The following BICD2 variants were observed in gnomAD, a reference collection of about 807,000 sequenced individuals.
The protein encoded by BICD2 is BICD cargo adaptor 2, also known as protein bicaudal D homolog 2.
In BICD2, 25 loss-of-function variants were observed where a neutral mutation model predicts 72.9. That is an observed-to-expected ratio of 0.34 (90% confidence interval 0.25 to 0.48). The LOEUF (loss-of-function observed/expected upper bound fraction) is 0.48. Among genes scored for constraint, BICD2 ranks in the 20% least tolerant of loss-of-function variants. The pLI is 0.99. For missense variants in BICD2, 894 were observed against 1,175.2 expected, an observed-to-expected ratio of 0.76 and a Z score of 3.50; for synonymous variants, 501 against 516.1, an observed-to-expected ratio of 0.97 and a Z score of 0.40.
rs748281611 is a variant in BICD2, at chr9:92,718,880, C to G, written c.1765G>C (p.Gly589Arg). The G allele has an allele frequency of 1.9e-6, 3 of 1,602,176 alleles. No homozygotes were observed. The highest frequency in any genetic ancestry group is 3.4e-5 in the Admixed American group (2 of 58,066). The change falls in exon 5 of 7, where the codon GGG (glycine) becomes CGG (arginine). Residue 589 changes from glycine to arginine, a missense_variant. Coordinates refer to ENST00000356884, the MANE Select transcript of BICD2 (RefSeq NM_001003800.2). Reference sequence around the variant, plus strand: ...CGGCCCGCCTCAGGAGCCAGCAGCCCCTTGGGTAGGAGGATGGGTGAGCGC... The same window carrying G: ...CGGCCCGCCTCAGGAGCCAGCAGCCGCTTGGGTAGGAGGATGGGTGAGCGC... The part of the protein sequence containing the change: ...GRRSPILLPK[G>R]LLAPEAGRAD...
At position 92,717,866 on chromosome 9, in the gene BICD2, C is replaced by A. The variant is rs943974428; in HGVS notation, c.2189G>T (p.Arg730Leu). Residue 730 changes from arginine to leucine, a missense_variant, in exon 6 of 7, where the codon CGC (arginine) becomes CTC (leucine). Physicochemically the swap from Arg to Leu is moderately radical, Grantham distance 102. Transcript: ENST00000356884. ...CTCCTTGAGGGCCTTGAGCTCATTG[C>A]GCAGCTTCATCATGGTCTCGGTAAC... ...AMVTETMMKL[R>L]NELKALKEDA... 1 of 1,613,138 alleles carries A rather than the reference C, an allele frequency of 6.2e-7. No individual in the cohort carries two copies. The highest frequency in any genetic ancestry group is 8.5e-7 in the Non-Finnish European group (1 of 1,179,996).
rs768209512 is a variant in BICD2 at position 92,764,003 on chromosome 9, G to C, written c.240+502C>G. ...AGGCACTCATGAAAGAAGCAGAAAC[G>C]CTCCGAAAGTAGCTGCGCCCAGAGA... is the stretch of plus-strand genomic sequence containing the variant. On this transcript the variant is annotated intron_variant, in intron 1 of 6. Coordinates refer to ENST00000356884, the MANE Select transcript of BICD2 (RefSeq NM_001003800.2). The surrounding 1 kb of genome is among the most constrained non-coding windows in gnomAD (Gnocchi z 5.5). 3.3e-5 allele frequency among the ~76,000 whole-genome samples: 5 copies of C among 152,300 alleles called. No homozygotes were observed. Among genetic ancestry groups the C allele is most frequent in the Middle Eastern group, 3.4e-3 (1 of 294 alleles).
Position 92,714,016 on chromosome 9 carries a change from G to C in BICD2, c.*1138C>G. The C allele has an allele frequency of 1.0e-6, 1 of 986,766 alleles. No individual in the cohort carries two copies. The highest frequency in any genetic ancestry group is 1.2e-6 in the Non-Finnish European group (1 of 830,802). The allele number at this position is 986,766 out of a possible 1,614,324, so 61.1% of individuals were successfully genotyped here. Reference sequence around the variant, plus strand: ...GAGAAAAGTTCTGCTCAGAATGTGGGAAGGCAGGTGTGGATGGAGCCTCTG... The same window carrying C: ...GAGAAAAGTTCTGCTCAGAATGTGGCAAGGCAGGTGTGGATGGAGCCTCTG... On this transcript the variant is annotated 3_prime_UTR_variant, in exon 7 of 7. Transcript: ENST00000356884.
intron 2 of BICD2, 94 bp downstream of exon 2, chr9:92,728,930 G>GCCAGC (rs911710005): frequency 7.1e-7 from 1 of 1,406,136 alleles, no homozygotes; most frequent in Non-Finnish European, 9.7e-7. Flanking sequence ...GTCCCCAGAG[G>GCCAGC]CCAGCCCAGC....
At position 92,719,163 on chromosome 9, in the gene BICD2, C is replaced by T. The variant is rs758448651; in HGVS notation, c.1482G>A (p.Gln494=). The change falls in exon 5 of 7, where the codon CAG becomes CAA. Residue 494 remains glutamine (Q), a synonymous_variant. Coordinates refer to ENST00000356884, the MANE Select transcript of BICD2 (RefSeq NM_001003800.2). ...CCAGCCGGGCCAGCAGCTCGCGGTC[C>T]TGGCGGCTGGCCTTCTCTAGCAGGG... The part of the protein sequence containing the change: ...KVSLLEKASR[Q]DRELLARLEK... The T allele has an allele frequency of 2.5e-6, 4 of 1,611,198 alleles. No homozygotes were observed. The highest frequency in any genetic ancestry group is 3.4e-6 in the Non-Finnish European group (4 of 1,179,992).
Position 92,713,721 on chromosome 9 carries a change from G to C in BICD2, c.*1433C>G, listed in dbSNP as rs540585749. ...GGCATGCCAGCAGCCATCCCACTGC[G>C]AGTCTTGCTGGGGCAGGGGGATCTG... is the stretch of plus-strand genomic sequence containing the variant. On this transcript the variant is annotated 3_prime_UTR_variant, in exon 7 of 7. Coordinates refer to ENST00000356884, the MANE Select transcript of BICD2 (RefSeq NM_001003800.2). 1 of 1,370,756 alleles carries C rather than the reference G, an allele frequency of 7.3e-7. No individual in the cohort carries two copies. Among genetic ancestry groups the C allele is most frequent in the Admixed American group, 2.9e-5 (1 of 34,038 alleles). 84.9% of individuals were successfully genotyped at this position (1,370,756 alleles called of 1,614,324 possible). A position where few individuals can be genotyped will look rare whatever the true frequency, so the allele number is the denominator to read the frequency against.
At chr9:92,724,984 A>C (rs951193263) in intron 2 of BICD2, among the ~76,000 whole-genome samples, 2 of 152,202 alleles carry the variant, frequency 1.3e-5, no homozygotes, top group African/African-American at 4.8e-5. Context: ...GGAAGGTCTG[A>C]GTCCCACCAA....
At chr9:92,723,609 T>C (rs1261518361) in intron 2 of BICD2, among the ~76,000 whole-genome samples, 1 of 152,212 alleles carries the variant, frequency 6.6e-6, no homozygotes, top group Non-Finnish European at 1.5e-5. Flanking sequence ...AGCAATGAAC[T>C]GTTCTAAGAT....
chr9:92,734,572 A>G (rs1387705855), intron 1 of BICD2, among the ~76,000 whole-genome samples: 1 of 143,622 alleles, frequency 7.0e-6, no homozygotes, highest in Non-Finnish European at 1.5e-5. Flanking sequence ...CCAACCCAGG[A>G]CAGCTGGAGT....
At position 92,764,604 on chromosome 9, in the gene BICD2, C is replaced by G; in HGVS notation, c.141G>C (p.Gly47=). The G allele has an allele frequency of 6.3e-7, 1 of 1,587,186 alleles. No homozygotes were observed. Among genetic ancestry groups the G allele is most frequent in the Non-Finnish European group, 8.6e-7 (1 of 1,168,074 alleles). Residue 47 remains glycine, a synonymous_variant, in exon 1 of 7, where the codon GGG becomes GGC. Transcript: ENST00000356884. The surrounding 1 kb of genome is among the most constrained non-coding windows in gnomAD (Gnocchi z 5.5). ...TREKIQAAEY[G]LAVLEEKHQL... is the part of the protein sequence containing the mutation. Reference sequence around the variant, plus strand: ...GGTGCTTCTCCTCGAGCACCGCCAGCCCGTACTCGGCCGCCTGGATCTTCT... The same window carrying G: ...GGTGCTTCTCCTCGAGCACCGCCAGGCCGTACTCGGCCGCCTGGATCTTCT...
intron 1 of BICD2, among the ~76,000 whole-genome samples, chr9:92,756,910 G>A (rs1453740485): frequency 8.6e-5 from 13 of 151,540 alleles, no homozygotes; most frequent in Non-Finnish European, 1.5e-5. Flanking sequence ...AGAGTAAGGT[G>A]TCTGGCAGGG....
In BICD2 at chr9:92,755,062, T is replaced by C. The variant is rs566057956; in HGVS notation, c.240+9443A>G. Among the ~76,000 whole-genome samples the C allele has an allele frequency of 1.4e-3, 217 of 152,344 alleles. 1 individual carries two copies. The highest frequency in any genetic ancestry group is 5.0e-3 in the African/African-American group (207 of 41,584). ...GCAAATGGGAGAAATATCACTGAAT[T>C]CTTTTTCTCAGCATGGAACGTCCCT... On this transcript the variant is annotated intron_variant, in intron 1 of 6. Coordinates refer to ENST00000356884, the MANE Select transcript of BICD2 (RefSeq NM_001003800.2).
rs115433383 is a variant in BICD2 at position 92,759,835 on chromosome 9, C to G, written c.240+4670G>C. Among the ~76,000 whole-genome samples the G allele has an allele frequency of 9.0e-3, 1,372 of 152,370 alleles. 23 individuals carry two copies. Among genetic ancestry groups the G allele is most frequent in the African/African-American group, 0.032 (1,324 of 41,590 alleles). On this transcript the variant is annotated intron_variant, in intron 1 of 6. Coordinates refer to ENST00000356884, the MANE Select transcript of BICD2 (RefSeq NM_001003800.2). ...CATCTGGTCCACCTATGTGGGGAAG[C>G]AGGTCTGACTGACTGGGGGATGCCC... is the stretch of plus-strand genomic sequence containing the variant.
At chr9:92,737,821 C>T (rs892726132) in intron 1 of BICD2, among the ~76,000 whole-genome samples, 3 of 152,182 alleles carry the variant, frequency 2.0e-5, no homozygotes, top group Admixed American at 6.5e-5. Flanking sequence ...GAGGAGGAAA[C>T]AGTGGCAGGT....
At chr9:92,730,292 G>A (rs368471011) in intron 1 of BICD2, among the ~76,000 whole-genome samples, 8 of 152,174 alleles carry the variant, frequency 5.3e-5, no homozygotes, top group Non-Finnish European at 1.2e-4. Context: ...GACTGAAAGC[G>A]GATGGCTTTG....
intron 1 of BICD2, among the ~76,000 whole-genome samples, chr9:92,733,367 C>T (rs947119242): frequency 1.3e-5 from 2 of 151,204 alleles, no homozygotes; most frequent in Admixed American, 6.6e-5. Context: ...GAAACCTCGT[C>T]TCTACTAAAA....
intron 2 of BICD2, among the ~76,000 whole-genome samples, chr9:92,726,450 T>G (rs1383981678): frequency 6.6e-6 from 1 of 152,094 alleles, no homozygotes; most frequent in Non-Finnish European, 1.5e-5. Context: ...CCATGGGGTG[T>G]GAGCCTTGGG....
intron 1 of BICD2, among the ~76,000 whole-genome samples, chr9:92,738,670 G>A (rs1465305668): frequency 1.3e-5 from 2 of 152,198 alleles, no homozygotes; most frequent in Admixed American, 6.5e-5. Context: ...CCCACTTGCC[G>A]ACCTTCCACT....
At chr9:92,730,105 C>A (rs752122376) in intron 1 of BICD2, among the ~76,000 whole-genome samples, 55 of 152,244 alleles carry the variant, frequency 3.6e-4, no homozygotes, top group Admixed American at 6.5e-5. Flanking sequence ...CTGCCCACTA[C>A]CCCCACATAG....
Sources: gnomAD v4.1 joint callset for allele counts (sites outside exome capture counted in the v4.1 genomes callset) on GRCh38, gnomAD v4.1.1 for gene constraint, Gnocchi (gnomAD v3.1) non-coding constraint, MANE v1.5 for transcripts, NCBI Gene and HGNC (gene_info 2026-07-23, HGNC 2026-07-21) for gene names.